Variants in RGL1 observed in about 807,000 individuals in gnomAD.
RGL1 encodes the protein ral guanine nucleotide dissociation stimulator like 1.
In RGL1, 24 loss-of-function variants were observed where a neutral mutation model predicts 95.2. The observed-to-expected ratio is 0.25, with a 90% confidence interval of 0.18 to 0.35. The LOEUF (loss-of-function observed/expected upper bound fraction) is 0.35. RGL1 is among the 10% of genes least tolerant of loss of function. The pLI is 1.00. For missense variants in RGL1, 715 were observed against 936.3 expected, an observed-to-expected ratio of 0.76 and a Z score of 3.08; for synonymous variants, 329 against 344.9, an observed-to-expected ratio of 0.95 and a Z score of 0.51.
intron 2 of RGL1, among the ~76,000 whole-genome samples, chr1:183,775,094 A>G (rs1659521860): frequency 6.6e-6 from 1 of 152,006 alleles, no homozygotes; most frequent in Non-Finnish European, 1.5e-5. Context: ...AGGTAGATGG[A>G]TTTAAGACTG....
At chr1:183,747,401 G>GT (rs1349259740) in intron 2 of RGL1, among the ~76,000 whole-genome samples, 7 of 152,182 alleles carry the variant, frequency 4.6e-5, no homozygotes, top group African/African-American at 1.4e-4. Flanking sequence ...GATGATGAGC[G>GT]TTTTTTCATG....
chr1:183,789,466 A>AAACAAAG (rs1660341399), intron 2 of RGL1, among the ~76,000 whole-genome samples: 1 of 152,180 alleles, frequency 6.6e-6, no homozygotes, highest in Admixed American at 6.5e-5. Flanking sequence ...AAAAAACAAA[A>AAACAAAG]AAACAAAAAA....
chr1:183,844,657 T>C (rs1664296765), intron 2 of RGL1, among the ~76,000 whole-genome samples: 3 of 152,220 alleles, frequency 2.0e-5, no homozygotes, highest in Admixed American at 1.3e-4. Flanking sequence ...CTAAACCATA[T>C]ATCTTTTTCA....
chr1:183,917,965 G>A (rs981039681), intron 16 of RGL1, among the ~76,000 whole-genome samples: 1 of 152,216 alleles, frequency 6.6e-6, no homozygotes, highest in African/African-American at 2.4e-5. Context: ...GAGAGGATAA[G>A]GGCTTGAATG....
At chr1:183,639,494 G>A (rs1649769625) in intron 1 of RGL1, among the ~76,000 whole-genome samples, 1 of 152,110 alleles carries the variant, frequency 6.6e-6, no homozygotes, top group Non-Finnish European at 1.5e-5. Flanking sequence ...TGTTTAGCAT[G>A]TTGTCCATAG....
intron 10 of RGL1, among the ~76,000 whole-genome samples, chr1:183,898,447 C>T (rs1001365377): frequency 6.6e-6 from 1 of 152,228 alleles, no homozygotes; most frequent in African/African-American, 2.4e-5. Context: ...TGCCTCCCTC[C>T]TGAAGACTGA....
chr1:183,768,620 C>T (rs2102324435), intron 2 of RGL1, among the ~76,000 whole-genome samples: 1 of 151,800 alleles, frequency 6.6e-6, no homozygotes, highest in Middle Eastern at 3.4e-3. Flanking sequence ...AGGCATGTGC[C>T]ACCACACCTG....
chr1:183,643,504 G>GA (rs375621191), intron 1 of RGL1, among the ~76,000 whole-genome samples: 10 of 152,208 alleles, frequency 6.6e-5, no homozygotes, highest in African/African-American at 2.2e-4. Flanking sequence ...TGTTAGCCAG[G>GA]ATGGTCTTGA....
intron 17 of RGL1, among the ~76,000 whole-genome samples, chr1:183,924,964 C>T (rs180949125): frequency 1.3e-5 from 2 of 151,736 alleles, no homozygotes; most frequent in African/African-American, 4.8e-5. Flanking sequence ...AAAACTCCAT[C>T]TCAAAAAATA....
At chr1:183,694,535 T>A (rs1394709593) in intron 1 of RGL1, among the ~76,000 whole-genome samples, 1 of 152,224 alleles carries the variant, frequency 6.6e-6, no homozygotes, top group Non-Finnish European at 1.5e-5. Context: ...TTGCTATAGA[T>A]CATTTCAACA....
intron 2 of RGL1, among the ~76,000 whole-genome samples, chr1:183,754,145 G>T (rs1658195497): frequency 6.6e-6 from 1 of 152,078 alleles, no homozygotes; most frequent in Non-Finnish European, 1.5e-5. Flanking sequence ...AGGAGAAAAT[G>T]ACTCCCCCTC....
chr1:183,906,279 G>A (rs1021539410), intron 13 of RGL1, among the ~76,000 whole-genome samples: 7 of 152,134 alleles, frequency 4.6e-5, no homozygotes, highest in African/African-American at 1.7e-4. Flanking sequence ...ACTGTCTACA[G>A]CTACAAGCTT....
chr1:183,873,312 C>T (rs990185279), intron 4 of RGL1, among the ~76,000 whole-genome samples: 7 of 152,234 alleles, frequency 4.6e-5, no homozygotes, highest in African/African-American at 1.7e-4. Flanking sequence ...GCCCTTGCCA[C>T]CACCATTGGC....
At chr1:183,668,366 T>C (rs1417654882) in intron 1 of RGL1, among the ~76,000 whole-genome samples, 6 of 152,212 alleles carry the variant, frequency 3.9e-5, no homozygotes, top group Admixed American at 3.9e-4. Flanking sequence ...TTAAATTTTT[T>C]CTTCCACTCT....
At chr1:183,711,658 C>G (rs1479329012) in intron 1 of RGL1, among the ~76,000 whole-genome samples, 2 of 152,122 alleles carry the variant, frequency 1.3e-5, no homozygotes, top group African/African-American at 4.8e-5. Flanking sequence ...TTATAATTAT[C>G]TGGAGAGGTC....
At chr1:183,680,901 G>T (rs776268899) in intron 1 of RGL1, among the ~76,000 whole-genome samples, 11 of 152,156 alleles carry the variant, frequency 7.2e-5, no homozygotes, top group Non-Finnish European at 1.6e-4. Context: ...CATATCCCTT[G>T]TAAGTTGAAT....
At chr1:183,923,953 C>A (rs1180987472) in intron 17 of RGL1, among the ~76,000 whole-genome samples, 1 of 152,184 alleles carries the variant, frequency 6.6e-6, no homozygotes, top group East Asian at 1.9e-4. Flanking sequence ...CCTCCCCGAC[C>A]CCACTACCAC....
intron 5 of RGL1, 80 bp from the exon 6 acceptor site, chr1:183,883,706 A>G (rs1305980931): frequency 1.2e-5 from 18 of 1,516,306 alleles, no homozygotes; most frequent in Non-Finnish European, 1.5e-5. Flanking sequence ...CTTCCTAAAC[A>G]AGGAGTAAAG....
chr1:183,696,576 A>G (rs923384820), intron 1 of RGL1, among the ~76,000 whole-genome samples: 1 of 152,162 alleles, frequency 6.6e-6, no homozygotes, highest in South Asian at 2.1e-4. Context: ...CCATCTATAT[A>G]TTGACAACTC....
Sources: allele counts gnomAD v4.1 joint callset (sites outside exome capture counted in the v4.1 genomes callset), GRCh38; gene constraint gnomAD v4.1.1; transcripts MANE v1.5; gene names NCBI Gene and HGNC (gene_info 2026-07-23, HGNC 2026-07-21).